Variants in RBFOX1 observed in about 807,000 individuals in gnomAD.
RBFOX1 encodes the protein RNA binding protein fox-1 homolog 1.
Under a neutral mutation model 57.7 loss-of-function variants are expected in RBFOX1, and 8 were observed. The observed-to-expected ratio is 0.14, with a 90% CI of 0.08 to 0.25. The LOEUF (loss-of-function observed/expected upper bound fraction) is 0.25, where lower values mean the gene tolerates loss of function less well. RBFOX1 is among the 10% of genes least tolerant of loss of function. RBFOX1 has a pLI of 1.00. For missense variants in RBFOX1, 611 were observed against 548.5 expected (o/e 1.11, Z -1.14); for synonymous variants, 326 against 222.4 (o/e 1.47, Z -4.15).
At chr16:5,296,191 C>G (rs1438638859) in intron 1 of RBFOX1, among the ~76,000 whole-genome samples, 1 of 152,188 alleles carries the variant, frequency 6.6e-6, no homozygotes, top group African/African-American at 2.4e-5. Flanking sequence ...GAAGCATGCA[C>G]TAAGCTAGCT....
chr16:6,648,968 A>G (rs980164216), intron 2 of RBFOX1, among the ~76,000 whole-genome samples: 2 of 152,156 alleles, frequency 1.3e-5, no homozygotes, highest in East Asian at 3.9e-4. Context: ...TGGTTAGAAC[A>G]CATAACATCT....
At chr16:5,753,076 C>CTT (rs1432650820) in intron 3 of RBFOX1, among the ~76,000 whole-genome samples, 2 of 151,878 alleles carry the variant, frequency 1.3e-5, no homozygotes, top group East Asian at 3.9e-4. Context: ...GGGAGGATTG[C>CTT]TTTAACCTAG....
intron 2 of RBFOX1, among the ~76,000 whole-genome samples, chr16:6,522,682 C>T (rs556862849): frequency 1.3e-5 from 2 of 152,138 alleles, no homozygotes; most frequent in African/African-American, 4.8e-5. Flanking sequence ...TCTTTAGGTA[C>T]AGTACCTAAG....
At position 5,640,389 on chromosome 16, in the gene RBFOX1, C is replaced by T. The variant is rs2151326883; in HGVS notation, c.318+41428C>T. 3.3e-5 allele frequency among the ~76,000 whole-genome samples: 5 copies of T among 152,196 alleles called. 1 individual carries two copies. In the Middle Eastern group the frequency reaches 0.017, roughly 518 times the overall value. On this transcript the variant is annotated intron_variant, in intron 3 of 19. Transcript: ENST00000641259. ...TGCACATGTACATCATGCATGCATGCATGCATGCACATATACACATGCACA... is the reference window on the plus strand; with the variant it reads ...TGCACATGTACATCATGCATGCATGTATGCATGCACATATACACATGCACA...
chr16:6,900,308 T>C (rs1308668015), intron 3 of RBFOX1, among the ~76,000 whole-genome samples: 1 of 152,210 alleles, frequency 6.6e-6, no homozygotes, highest in Non-Finnish European at 1.5e-5. Context: ...AATATCCTGT[T>C]CCAAGTTGCC....
intron 4 of RBFOX1, among the ~76,000 whole-genome samples, chr16:7,464,323 G>GGC (rs2060099511): frequency 1.4e-4 from 22 of 152,250 alleles, no homozygotes; most frequent in Admixed American, 9.2e-4. Context: ...ACAGTAAAAT[G>GGC]ATCACCATCG....
intron 1 of RBFOX1, among the ~76,000 whole-genome samples, chr16:6,192,124 A>G (rs1029174727): frequency 2.6e-5 from 4 of 152,166 alleles, no homozygotes; most frequent in South Asian, 2.1e-4. Context: ...CCCTGTATCA[A>G]TAACTATTAA....
At chr16:7,217,009 T>TCCCTCCC (rs2092166155) in intron 4 of RBFOX1, among the ~76,000 whole-genome samples, 1 of 16,822 alleles carries the variant, frequency 5.9e-5, no homozygotes, top group Admixed American at 6.0e-4. Flanking sequence ...CCTCCCTCCC[T>TCCCTCCC]TCCCTCCCTC....
intron 3 of RBFOX1, among the ~76,000 whole-genome samples, chr16:6,814,640 G>C (rs557250169): frequency 1.3e-5 from 2 of 152,142 alleles, no homozygotes; most frequent in African/African-American, 4.8e-5. Context: ...TGACAGGTAG[G>C]GGACAAAGAG....
intron 3 of RBFOX1, among the ~76,000 whole-genome samples, chr16:5,781,362 C>T (rs867773136): frequency 1.3e-5 from 2 of 152,170 alleles, no homozygotes; most frequent in Non-Finnish European, 2.9e-5. Context: ...GTGAGCTTCT[C>T]AATGGATTGC....
At chr16:5,646,808 T>A (rs1452027251) in intron 3 of RBFOX1, among the ~76,000 whole-genome samples, 1 of 151,956 alleles carries the variant, frequency 6.6e-6, no homozygotes, top group Non-Finnish European at 1.5e-5. Flanking sequence ...CTAATTTTTA[T>A]ATTTTTAGTA....
At chr16:5,755,459 T>C (rs2053359371) in intron 3 of RBFOX1, among the ~76,000 whole-genome samples, 1 of 152,178 alleles carries the variant, frequency 6.6e-6, no homozygotes, top group South Asian at 2.1e-4. Context: ...AATCAATTGA[T>C]GGCATGTGGC....
intron 3 of RBFOX1, among the ~76,000 whole-genome samples, chr16:6,875,799 G>T (rs764749577): frequency 6.6e-6 from 1 of 152,112 alleles, no homozygotes; most frequent in Non-Finnish European, 1.5e-5. Context: ...GAGGCCAGGA[G>T]TTCAAGACCA....
At chr16:6,552,731 C>T (rs936928687) in intron 2 of RBFOX1, among the ~76,000 whole-genome samples, 1 of 151,882 alleles carries the variant, frequency 6.6e-6, no homozygotes, top group African/African-American at 2.4e-5. Context: ...TATGTGTGTA[C>T]ATTTTATACC....
intron 3 of RBFOX1, among the ~76,000 whole-genome samples, chr16:6,699,519 C>T (rs543555058): frequency 7.2e-5 from 11 of 152,256 alleles, no homozygotes; most frequent in African/African-American, 2.4e-4. Context: ...GTCCAGTGAC[C>T]TATCAACGCT....
intron 3 of RBFOX1, among the ~76,000 whole-genome samples, chr16:5,798,350 G>A (rs1432059044): frequency 6.6e-6 from 1 of 152,182 alleles, no homozygotes; most frequent in Admixed American, 6.5e-5. Flanking sequence ...CCTATTGTGT[G>A]CTTGGCAAAT....
chr16:6,009,630 G>A (rs2094948206), intron 4 of RBFOX1, among the ~76,000 whole-genome samples: 1 of 152,014 alleles, frequency 6.6e-6, no homozygotes, highest in Non-Finnish European at 1.5e-5. Context: ...AAGCAATCAT[G>A]TTTTCAGAGA....
intron 13 of RBFOX1, among the ~76,000 whole-genome samples, chr16:7,674,913 G>T (rs76735466): frequency 6.6e-6 from 1 of 152,174 alleles, no homozygotes; most frequent in Non-Finnish European, 1.5e-5. Context: ...CAAATAGGAT[G>T]TTGCTAGACA....
intron 4 of RBFOX1, 125 bp from the exon 5 acceptor site, chr16:7,518,021 TG>T: frequency 8.4e-7 from 1 of 1,187,932 alleles, no homozygotes; most frequent in Non-Finnish European, 1.2e-6. Context: ...CATCTCAGGC[TG>T]GTGGCACCAT....
Sources: gnomAD v4.1 joint callset for allele counts (sites outside exome capture counted in the v4.1 genomes callset) on GRCh38, gnomAD v4.1.1 for gene constraint, MANE v1.5 for transcripts, NCBI Gene and HGNC (gene_info 2026-07-23, HGNC 2026-07-21) for gene names.